Variants in KATNIP observed in about 807,000 individuals in gnomAD.
KATNIP encodes the protein katanin-interacting protein.
Under a neutral mutation model 174.0 loss-of-function variants are expected in KATNIP, and 126 were observed. The ratio of observed to expected loss-of-function variants is 0.72; its 90% CI spans 0.63 to 0.84. KATNIP has a LOEUF of 0.84. Ranked by LOEUF, KATNIP falls within the 40% of genes least tolerant of loss-of-function variation. KATNIP has a pLI of 0.00. For missense variants in KATNIP, 1,958 were observed against 2,109.7 expected (o/e 0.93, Z 1.41); for synonymous variants, 810 against 835.7 (o/e 0.97, Z 0.53).
chr16:27,720,610 G>T lies in KATNIP; in HGVS notation c.1606-948G>T, dbSNP rs964889242. On this transcript the variant is annotated intron_variant, in intron 13 of 27. Coordinates refer to ENST00000261588, the MANE Select transcript of KATNIP (RefSeq NM_015202.5). ...CCCTTGAGCTCACGGCTGAATGGGG[G>T]CCTGACATGGACGTGAAAAGAGATG... Among the ~76,000 whole-genome samples the T allele has an allele frequency of 2.6e-5, 4 of 151,850 alleles. No homozygotes were observed. The East Asian group carries it at 7.7e-4, about 29-fold the overall frequency.
chr16:27,772,604 A>G (rs375424261), intron 22 of KATNIP, among the ~76,000 whole-genome samples: 1 of 152,324 alleles, frequency 6.6e-6, no homozygotes, highest in East Asian at 1.9e-4. Flanking sequence ...TGTGAGGTTT[A>G]TGTGTCCCCT....
At chr16:27,593,247 T>C (rs1299879947) in intron 2 of KATNIP, among the ~76,000 whole-genome samples, 1 of 109,216 alleles carries the variant, frequency 9.2e-6, no homozygotes, top group African/African-American at 3.5e-5. Context: ...CCCTTTTTTT[T>C]TTTTTTTGTC....
chr16:27,766,811 G>A (rs1023492142), intron 20 of KATNIP, among the ~76,000 whole-genome samples: 12 of 152,104 alleles, frequency 7.9e-5, no homozygotes, highest in African/African-American at 2.4e-4. Context: ...AGGGCTTCAC[G>A]GGCATTCATT....
chr16:27,636,270 C>T (rs577900222), intron 5 of KATNIP, among the ~76,000 whole-genome samples: 1 of 152,336 alleles, frequency 6.6e-6, no homozygotes, highest in African/African-American at 2.4e-5. Flanking sequence ...CCAGCTACTG[C>T]CTTTGGATAG....
intron 13 of KATNIP, among the ~76,000 whole-genome samples, chr16:27,717,048 T>C (rs994285153): frequency 2.6e-5 from 4 of 152,128 alleles, no homozygotes; most frequent in African/African-American, 9.7e-5. Context: ...TTCACTATGT[T>C]GGCCCGGCTG....
intron 3 of KATNIP, among the ~76,000 whole-genome samples, chr16:27,623,890 C>G (rs2076261524): frequency 6.6e-6 from 1 of 152,066 alleles, no homozygotes; most frequent in South Asian, 2.1e-4. Flanking sequence ...TCAAAGGGCC[C>G]TTGTGTTCAA....
intron 1 of KATNIP, among the ~76,000 whole-genome samples, chr16:27,563,182 T>C (rs1293636147): frequency 6.6e-6 from 1 of 152,184 alleles, no homozygotes; most frequent in African/African-American, 2.4e-5. Context: ...GTAAGTGCCA[T>C]GCAGAAGGTT....
Position 27,573,964 on chromosome 16 carries a change from T to C in KATNIP, c.63+8T>C. ...TCACGAGAGAAAAAGGAGGTAAATG[T>C]GTCCCTGGCGAGGGCTGATGGGAGG... is the stretch of plus-strand genomic sequence containing the variant. On this transcript the variant is annotated splice_region_variant and intron_variant, in intron 2 of 27. Transcript: ENST00000261588. 6.2e-7 allele frequency: 1 copy of C among 1,613,802 alleles called. No individual in the cohort carries two copies. Among genetic ancestry groups the C allele is most frequent in the Non-Finnish European group, 8.5e-7 (1 of 1,179,722 alleles).
intron 2 of KATNIP, among the ~76,000 whole-genome samples, chr16:27,575,553 T>C (rs1298971460): frequency 6.6e-6 from 1 of 152,164 alleles, no homozygotes; most frequent in Middle Eastern, 3.2e-3. Context: ...ATTCCTATAA[T>C]GAAAGGGCAT....
At chr16:27,586,989 T>C (rs899529485) in intron 2 of KATNIP, among the ~76,000 whole-genome samples, 3 of 151,836 alleles carry the variant, frequency 2.0e-5, no homozygotes, top group South Asian at 4.2e-4. Context: ...TCGTGCTTTA[T>C]TGAAGTCCTG....
At chr16:27,561,850 C>T (rs1220083154) in intron 1 of KATNIP, among the ~76,000 whole-genome samples, 1 of 152,194 alleles carries the variant, frequency 6.6e-6, no homozygotes, top group Non-Finnish European at 1.5e-5. Context: ...TATCTTAGAA[C>T]CGTGAAGTTC....
At chr16:27,739,933 T>C in intron 14 of KATNIP, 108 bp from the exon 15 acceptor site, 1 of 1,256,648 alleles carries the variant, frequency 8.0e-7, no homozygotes, top group Non-Finnish European at 1.1e-6. Context: ...AGCTTGCATT[T>C]CTAGCATTTC....
At chr16:27,670,030 T>C (rs1345538587) in intron 6 of KATNIP, among the ~76,000 whole-genome samples, 1 of 152,132 alleles carries the variant, frequency 6.6e-6, no homozygotes. Flanking sequence ...TAAATTTCCA[T>C]TAATTTAAAA....
intron 1 of KATNIP, among the ~76,000 whole-genome samples, chr16:27,568,763 G>A (rs539926094): frequency 1.2e-4 from 18 of 152,182 alleles, no homozygotes; most frequent in Middle Eastern, 3.4e-3. Context: ...GCACCCGGCC[G>A]GAAATAAGTT....
At chr16:27,625,491 T>C (rs2076306822) in intron 3 of KATNIP, among the ~76,000 whole-genome samples, 2 of 152,232 alleles carry the variant, frequency 1.3e-5, no homozygotes, top group Admixed American at 1.3e-4. Context: ...TTGTTTGCTC[T>C]TGCAAGCGTA....
At chr16:27,731,748 A>C (rs1036517042) in intron 14 of KATNIP, among the ~76,000 whole-genome samples, 1 of 151,740 alleles carries the variant, frequency 6.6e-6, no homozygotes, top group East Asian at 1.9e-4. Context: ...CCTCCCAAGT[A>C]GCTGGGATTA....
chr16:27,667,242 G>A (rs2077718271), intron 6 of KATNIP, among the ~76,000 whole-genome samples: 1 of 151,818 alleles, frequency 6.6e-6, no homozygotes, highest in South Asian at 2.1e-4. Flanking sequence ...TTGAACCCAG[G>A]AGGTCGAGGT....
chr16:27,624,354 C>A (rs1256510571), intron 3 of KATNIP, among the ~76,000 whole-genome samples: 1 of 152,196 alleles, frequency 6.6e-6, no homozygotes, highest in Non-Finnish European at 1.5e-5. Context: ...GTACTCCCCA[C>A]TCACTCCTTC....
intron 2 of KATNIP, among the ~76,000 whole-genome samples, chr16:27,589,721 TTCTC>T (rs1389716085): frequency 7.9e-5 from 12 of 152,320 alleles, no homozygotes; most frequent in Admixed American, 2.0e-4. Flanking sequence ...ATCACTAATG[TTCTC>T]TCTATCTGTA....
Sources: allele counts gnomAD v4.1 joint callset (sites outside exome capture counted in the v4.1 genomes callset), GRCh38; gene constraint gnomAD v4.1.1; transcripts MANE v1.5; gene names NCBI Gene and HGNC (gene_info 2026-07-23, HGNC 2026-07-21).